CNTNAP5: variants seen among roughly 807,000 people sequenced by gnomAD.
CNTNAP5 encodes contactin-associated protein-like 5.
Under a neutral mutation model 150.2 loss-of-function variants are expected in CNTNAP5, and 72 were observed. The observed-to-expected ratio is 0.48, with a 90% CI of 0.40 to 0.58. The LOEUF is 0.58. Among genes scored for constraint, CNTNAP5 ranks in the 20% least tolerant of loss-of-function variants. CNTNAP5 has a pLI of 0.00. For missense variants in CNTNAP5, 1,636 were observed against 1,626.2 expected (o/e 1.01, Z -0.10); for synonymous variants, 672 against 619.8 (o/e 1.08, Z -1.25).
At chr2:124,810,540 C>A (rs549283398) in intron 19 of CNTNAP5, among the ~76,000 whole-genome samples, 1 of 152,224 alleles carries the variant, frequency 6.6e-6, no homozygotes, top group Admixed American at 6.5e-5. Flanking sequence ...CTAGTCCAAC[C>A]TGGGAGAGAA....
chr2:124,046,559 A>G (rs1224112741), intron 1 of CNTNAP5, among the ~76,000 whole-genome samples: 1 of 152,152 alleles, frequency 6.6e-6, no homozygotes, highest in Non-Finnish European at 1.5e-5. Context: ...CCTTTGCATC[A>G]GAAAGAAGGT....
chr2:124,363,003 A>T (rs1214697042), intron 3 of CNTNAP5, among the ~76,000 whole-genome samples: 1 of 152,248 alleles, frequency 6.6e-6, no homozygotes, highest in East Asian at 1.9e-4. Context: ...GCAAAAAAGC[A>T]TCAATGGATG....
chr2:124,627,838 G>T (rs188819423), intron 12 of CNTNAP5, among the ~76,000 whole-genome samples: 1 of 152,286 alleles, frequency 6.6e-6, no homozygotes, highest in African/African-American at 2.4e-5. Flanking sequence ...TACAGCAGCT[G>T]TTAACTAGAA....
At chr2:124,687,019 C>G (rs895843158) in intron 13 of CNTNAP5, among the ~76,000 whole-genome samples, 1 of 151,940 alleles carries the variant, frequency 6.6e-6, no homozygotes. Flanking sequence ...GCAGTCATTG[C>G]GAATGATCTT....
chr2:124,329,730 T>C (rs921645084), intron 3 of CNTNAP5, among the ~76,000 whole-genome samples: 4 of 152,202 alleles, frequency 2.6e-5, no homozygotes, highest in Admixed American at 2.0e-4. Context: ...AGTTGGTTTG[T>C]ATTTCAGAAG....
intron 3 of CNTNAP5, among the ~76,000 whole-genome samples, chr2:124,382,935 C>T (rs1373670891): frequency 6.6e-6 from 1 of 152,068 alleles, no homozygotes; most frequent in Non-Finnish European, 1.5e-5. Context: ...TAACATTCCT[C>T]GGATTCTGGC....
chr2:124,138,234 T>C (rs1684024742), intron 1 of CNTNAP5, among the ~76,000 whole-genome samples: 1 of 152,138 alleles, frequency 6.6e-6, no homozygotes, highest in South Asian at 2.1e-4. Context: ...GAGCTCTCTG[T>C]TTCTTGTCAC....
At chr2:124,913,485 T>G (rs911401774) in intron 23 of CNTNAP5, among the ~76,000 whole-genome samples, 1 of 152,032 alleles carries the variant, frequency 6.6e-6, no homozygotes, top group Non-Finnish European at 1.5e-5. Flanking sequence ...GACTTTGAGT[T>G]TCTCAAGAAC....
chr2:124,221,359 G>T lies in CNTNAP5; in HGVS notation c.83-346G>T, dbSNP rs909758670. The stretch of plus-strand genomic sequence containing the variant: ...AATAATCTTGATGGCAATAATTTGA[G>T]GGTTTGCTCAAGTGGCTTATTGAAG... On this transcript the variant is annotated intron_variant, in intron 1 of 23. Coordinates refer to ENST00000682447, the MANE Select transcript of CNTNAP5 (RefSeq NM_001367498.1). 2.0e-5 allele frequency among the ~76,000 whole-genome samples: 3 copies of T among 152,096 alleles called. No individual in the cohort carries two copies. In the East Asian group the frequency reaches 5.8e-4, roughly 29 times the overall value.
At chr2:124,268,146 G>C (rs1420218391) in intron 3 of CNTNAP5, among the ~76,000 whole-genome samples, 1 of 152,184 alleles carries the variant, frequency 6.6e-6, no homozygotes, top group Non-Finnish European at 1.5e-5. Context: ...GTTTGTGACT[G>C]TCTGCACTGG....
At chr2:124,144,706 G>A (rs1279541338) in intron 1 of CNTNAP5, among the ~76,000 whole-genome samples, 2 of 138,366 alleles carry the variant, frequency 1.4e-5, no homozygotes, top group Non-Finnish European at 3.1e-5. Context: ...GAAAACCTAG[G>A]CATTACCATT....
chr2:124,548,619 C>A (rs755047596), intron 10 of CNTNAP5, among the ~76,000 whole-genome samples: 3 of 151,230 alleles, frequency 2.0e-5, no homozygotes, highest in East Asian at 1.9e-4. Context: ...TCTCTCTCCA[C>A]GAACTGGAAA....
At chr2:124,388,159 T>C (rs1690981001) in intron 3 of CNTNAP5, among the ~76,000 whole-genome samples, 2 of 152,136 alleles carry the variant, frequency 1.3e-5, no homozygotes, top group Non-Finnish European at 2.9e-5. Flanking sequence ...AGATGAACAT[T>C]TGTGAGCACA....
At chr2:124,905,297 G>C (rs1325181593) in intron 22 of CNTNAP5, among the ~76,000 whole-genome samples, 4 of 151,634 alleles carry the variant, frequency 2.6e-5, no homozygotes, top group African/African-American at 9.7e-5. Flanking sequence ...ATGTTGGAGA[G>C]GAAGTACAGA....
intron 1 of CNTNAP5, among the ~76,000 whole-genome samples, chr2:124,126,526 A>G (rs1683706382): frequency 6.6e-6 from 1 of 152,206 alleles, no homozygotes; most frequent in African/African-American, 2.4e-5. Flanking sequence ...TCCACTCAAT[A>G]GAAAAAGAGG....
chr2:124,681,504 C>G (rs911610045), intron 13 of CNTNAP5, among the ~76,000 whole-genome samples: 1 of 152,014 alleles, frequency 6.6e-6, no homozygotes, highest in Non-Finnish European at 1.5e-5. Context: ...ATTCTGTTTT[C>G]CTGGGAGTTT....
intron 3 of CNTNAP5, among the ~76,000 whole-genome samples, chr2:124,353,286 C>CAAAAAAAAAAAAAAAAAAAAAAAAA (rs565907115): frequency 1.1e-5 from 1 of 88,262 alleles, no homozygotes; most frequent in Non-Finnish European, 2.1e-5. Context: ...AAAAACAGAC[C>CAAAAAAAAAAAAAAAAAAAAAAAAA]AAAAAAAAAA....
chr2:124,903,674 G>T (rs147635970), intron 22 of CNTNAP5, among the ~76,000 whole-genome samples: 13 of 152,242 alleles, frequency 8.5e-5, no homozygotes, highest in Admixed American at 2.6e-4. Context: ...CACATCTGAT[G>T]AGGACACTTA....
intron 1 of CNTNAP5, among the ~76,000 whole-genome samples, chr2:124,134,143 G>T (rs911215552): frequency 6.6e-6 from 1 of 152,120 alleles, no homozygotes; most frequent in Non-Finnish European, 1.5e-5. Flanking sequence ...ATTTGTAAAG[G>T]CCAAAGTTGA....
Sources: allele counts gnomAD v4.1 joint callset (sites outside exome capture counted in the v4.1 genomes callset), GRCh38; gene constraint gnomAD v4.1.1; transcripts MANE v1.5; gene names NCBI Gene and HGNC (gene_info 2026-07-23, HGNC 2026-07-21).